The following GPS2 variants were observed in gnomAD, a reference collection of about 807,000 sequenced individuals.
GPS2 encodes the protein G protein pathway suppressor 2.
Under a neutral mutation model 48.1 loss-of-function variants are expected in GPS2, and 22 were observed. The observed-to-expected ratio is 0.46, with a 90% CI of 0.33 to 0.65. The LOEUF is 0.65. Among genes scored for constraint, GPS2 ranks in the 30% least tolerant of loss-of-function variants. The probability of loss-of-function intolerance (pLI) is 0.03; values close to 1 mark genes in which losing one functional copy is unlikely to be tolerated. For missense variants in GPS2, 366 were observed against 406.8 expected (o/e 0.90, Z 0.86); for synonymous variants, 202 against 142.5 (o/e 1.42, Z -2.98).
chr17:7,314,603 G>C lies in GPS2; in HGVS notation c.95-6C>G, dbSNP rs201297310. ...CTTATCCACCTCTTCTTCCTCTGGA[G>C]AATCAGGCAGAATGAAGAAGAGGCA... On this transcript the variant is annotated splice_polypyrimidine_tract_variant and splice_region_variant and intron_variant, in intron 2 of 10. Transcript: ENST00000380728. The C allele has an allele frequency of 2.0e-3, 3,148 of 1,613,862 alleles. 15 individuals carry two copies. The highest frequency in any genetic ancestry group is 7.4e-3 in the South Asian group (674 of 91,074).
chr17:7,314,837 G>C, intron 2 of GPS2, 122 bp downstream of exon 2: 2 of 1,312,616 alleles, frequency 1.5e-6, no homozygotes, highest in Admixed American at 3.8e-5. Context: ...CCACAACGGG[G>C]CTATTCCTTC....
In GPS2 at chr17:7,312,703, AC is replaced by A. The variant is rs1233479625; in HGVS notation, c.*52del. The A allele has an allele frequency of 1.0e-5, 14 of 1,354,250 alleles. No individual in the cohort carries two copies. Among genetic ancestry groups the A allele is most frequent in the Non-Finnish European group, 1.5e-5 (14 of 943,172 alleles). The allele number at this position is 1,354,250 out of a possible 1,614,324, so 83.9% of individuals were successfully genotyped here. A position where few individuals can be genotyped will look rare whatever the true frequency, so the allele number is the denominator to read the frequency against. ...TATTGGCCTGGGACACACAGGGGAT[AC>A]CCTCACCCACGATGGGGTGGGGGGT... On this transcript the variant is annotated 3_prime_UTR_variant, in exon 11 of 11. Coordinates refer to ENST00000380728, the MANE Select transcript of GPS2 (RefSeq NM_004489.5).
chr17:7,314,717 G>A (rs577367557), intron 2 of GPS2, 120 bp from the exon 3 acceptor site: 10 of 1,557,926 alleles, frequency 6.4e-6, no homozygotes, highest in Middle Eastern at 1.7e-4. Flanking sequence ...GCCTCGAGGG[G>A]ACAAGCTCCC....
rs371318711 is a variant in GPS2, at chr17:7,314,154, A to G, written c.323T>C (p.Leu108Pro). 1 of 1,613,140 alleles carries G rather than the reference A, an allele frequency of 6.2e-7. No individual in the cohort carries two copies. Among genetic ancestry groups the G allele is most frequent in the Non-Finnish European group, 8.5e-7 (1 of 1,179,478 alleles). Residue 108 changes from leucine (L) to proline (P), a missense_variant, in exon 5 of 11, where the codon CTG becomes CCG. Leu to Pro is a moderately conservative substitution (Grantham distance 98). This residue lies in a region of GPS2 where 275 missense variants were observed against 282.3 expected (regional missense o/e 0.97). Transcript: ENST00000380728. Reference protein sequence around the residue: ...EKRRRKEQSDLTTLTSAAYQQ... With the variant: ...EKRRRKEQSDPTTLTSAAYQQ... The stretch of plus-strand genomic sequence containing the variant: ...GTATGCAGCTGATGTTAGGGTGGTC[A>G]GGTCACTGGAGTGAAAGGAAGACAG...
At chr17:7,313,535 G>C (rs377513078) in intron 7 of GPS2, 33 bp downstream of exon 7, 1 of 1,613,534 alleles carries the variant, frequency 6.2e-7, no homozygotes, top group African/African-American at 1.3e-5. Flanking sequence ...TTGACCTTGA[G>C]GAAGGCCAAG....
In GPS2 at chr17:7,315,118, G is replaced by T; in HGVS notation, c.-66C>A. ...CTCTGACTGCCAGACCTCAGACGGG[G>T]CCTGCGGGGAGGCGGGCGCTCAGAG... On this transcript the variant is annotated splice_region_variant and 5_prime_UTR_variant, in exon 2 of 11. Transcript: ENST00000380728. 6 of 1,305,988 alleles carry T rather than the reference G, an allele frequency of 4.6e-6. No homozygotes were observed. The highest frequency in any genetic ancestry group is 6.1e-6 in the Non-Finnish European group (6 of 979,318). The allele number at this position is 1,305,988 out of a possible 1,614,324, so 80.9% of individuals were successfully genotyped here.
chr17:7,314,738 A>G (rs539852697), intron 2 of GPS2, 141 bp from the exon 3 acceptor site: 6 of 1,508,518 alleles, frequency 4.0e-6, no homozygotes, highest in East Asian at 2.3e-5. Flanking sequence ...CATCGCGGCA[A>G]TAGGGAACGG....
Position 7,313,725 on chromosome 17 carries a change from AG to A in GPS2, c.481-5del. On this transcript the variant is annotated splice_polypyrimidine_tract_variant and splice_region_variant and intron_variant, in intron 6 of 10. Coordinates refer to ENST00000380728, the MANE Select transcript of GPS2 (RefSeq NM_004489.5). ...CTGAGCCCACGTAGTGCCGGGTCTA[AG>A]GAAGGAGAATGAGAACTCGCCTACA... 1 of 1,613,602 alleles carries A rather than the reference AG, an allele frequency of 6.2e-7. No homozygotes were observed. The highest frequency in any genetic ancestry group is 8.5e-7 in the Non-Finnish European group (1 of 1,179,682).
At chr17:7,313,786 G>A (rs754595920) in intron 6 of GPS2, 65 bp from the exon 7 acceptor site, 19 of 1,585,926 alleles carry the variant, frequency 1.2e-5, no homozygotes, top group Non-Finnish European at 1.6e-5. Context: ...TGACTTGTGT[G>A]TATCTGTATG....
At chr17:7,315,308 G>A (rs1319415889) in intron 1 of GPS2, 23 bp downstream of exon 1, 1 of 373,476 alleles carries the variant, frequency 2.7e-6, no homozygotes. Flanking sequence ...TGCCCAGCCA[G>A]CGCGGACGAC....
chr17:7,314,947 G>A lies in GPS2; in HGVS notation c.94+12C>T. 6.4e-7 allele frequency: 1 copy of A among 1,566,052 alleles called. No individual in the cohort carries two copies. The highest frequency in any genetic ancestry group is 8.6e-7 in the Non-Finnish European group (1 of 1,156,074). On this transcript the variant is annotated intron_variant, in intron 2 of 10. Coordinates refer to ENST00000380728, the MANE Select transcript of GPS2 (RefSeq NM_004489.5). ...CTGGGCCGTGCGTCCCCCTGCTATG[G>A]CCCCGGCTCACCCTGCCGCTTGCGC... is the stretch of plus-strand genomic sequence containing the variant.
rs753866859 is a variant in GPS2 at position 7,313,250 on chromosome 17, T to C, written c.766A>G (p.Met256Val). 3.7e-6 allele frequency: 6 copies of C among 1,614,184 alleles called. No homozygotes were observed. In the South Asian group the frequency reaches 5.5e-5, roughly 15 times the overall value. Residue 256 changes from methionine to valine, a missense_variant, in exon 9 of 11, where the codon ATG (methionine) becomes GTG (valine). Met to Val is a conservative substitution (Grantham distance 21). Transcript: ENST00000380728. Reference sequence around the variant, plus strand: ...CCAGTCTGCTGGTTAGCATGTTCCATCTGCTTTTGCAAGGACAGGGCACCA... The same window carrying C: ...CCAGTCTGCTGGTTAGCATGTTCCACCTGCTTTTGCAAGGACAGGGCACCA... ...PGGALSLQKQ[M>V]EHANQQTGFS...
In GPS2 at chr17:7,315,060, C is replaced by G. The variant is rs1337584081; in HGVS notation, c.-8G>C. On this transcript the variant is annotated 5_prime_UTR_variant, in exon 2 of 11. Transcript: ENST00000380728. Reference sequence around the variant, plus strand: ...CTCCAGGAGTGCGGGCATGGTGCTGCCGTGGGCGCTCGGGCCGTGGGCGCC... The same window carrying G: ...CTCCAGGAGTGCGGGCATGGTGCTGGCGTGGGCGCTCGGGCCGTGGGCGCC... 1 of 1,581,356 alleles carries G rather than the reference C, an allele frequency of 6.3e-7. No homozygotes were observed. The highest frequency in any genetic ancestry group is 1.8e-5 in the Admixed American group (1 of 56,760).
rs1460563483 is a variant in GPS2, at chr17:7,312,748, T to C, written c.*8A>G. ...GGGGGGTGTGGTGTTGAAGATATAA[T>C]CTGATGGTCACTTGTGGTAGAATCG... On this transcript the variant is annotated 3_prime_UTR_variant, in exon 11 of 11. Transcript: ENST00000380728. The C allele has an allele frequency of 1.2e-6, 2 of 1,609,998 alleles. No homozygotes were observed. Among genetic ancestry groups the C allele is most frequent in the Admixed American group, 1.7e-5 (1 of 60,014 alleles).
chr17:7,313,218 G>A lies in GPS2; in HGVS notation c.798C>T (p.Ser266=), dbSNP rs762822597. The A allele has an allele frequency of 2.5e-5, 40 of 1,613,860 alleles. No individual in the cohort carries two copies. Among genetic ancestry groups the A allele is most frequent in the Middle Eastern group, 1.6e-4 (1 of 6,084 alleles). ...MEHANQQTGF[S]DSSSLRPMHP... Reference sequence around the variant, plus strand: ...CCCAAGGTGCCATACTCACTGAGTCGGAGAAGCCAGTCTGCTGGTTAGCAT... The same window carrying A: ...CCCAAGGTGCCATACTCACTGAGTCAGAGAAGCCAGTCTGCTGGTTAGCAT... Residue 266 remains serine (S), a synonymous_variant, in exon 9 of 11, where the codon TCC becomes TCT. Transcript: ENST00000380728.
rs1319299365 is a variant in GPS2, at chr17:7,315,117, G to A, written c.-65C>T. ...TCTCTGACTGCCAGACCTCAGACGG[G>A]GCCTGCGGGGAGGCGGGCGCTCAGA... is the stretch of plus-strand genomic sequence containing the variant. On this transcript the variant is annotated splice_region_variant and 5_prime_UTR_variant, in exon 2 of 11. Transcript: ENST00000380728. The A allele has an allele frequency of 2.3e-6, 3 of 1,308,510 alleles. No individual in the cohort carries two copies. Among genetic ancestry groups the A allele is most frequent in the South Asian group, 2.9e-5 (2 of 69,792 alleles). 81.1% of individuals were successfully genotyped at this position (1,308,510 alleles called of 1,614,324 possible).
chr17:7,314,060 G>T lies in GPS2; in HGVS notation c.397+20C>A. The T allele has an allele frequency of 6.2e-7, 1 of 1,612,458 alleles. No homozygotes were observed. Among genetic ancestry groups the T allele is most frequent in the Non-Finnish European group, 8.5e-7 (1 of 1,178,522 alleles). On this transcript the variant is annotated intron_variant, in intron 5 of 10. Coordinates refer to ENST00000380728, the MANE Select transcript of GPS2 (RefSeq NM_004489.5). ...CCTCCAAGAAGGCCGGTTCCATCTGGTGGTTTCTTTAGTCCTCACCCTGCA... is the reference window on the plus strand; with the variant it reads ...CCTCCAAGAAGGCCGGTTCCATCTGTTGGTTTCTTTAGTCCTCACCCTGCA...
rs1327559353 is a variant in GPS2, at chr17:7,314,172, G to A, written c.318-13C>T. ...GGTGGTCAGGTCACTGGAGTGAAAGGAAGACAGGTCAAAGTCAAGGACAGA... is the reference window on the plus strand; with the variant it reads ...GGTGGTCAGGTCACTGGAGTGAAAGAAAGACAGGTCAAAGTCAAGGACAGA... On this transcript the variant is annotated splice_polypyrimidine_tract_variant and intron_variant, in intron 4 of 10. Coordinates refer to ENST00000380728, the MANE Select transcript of GPS2 (RefSeq NM_004489.5). The A allele has an allele frequency of 2.5e-6, 4 of 1,609,400 alleles. No homozygotes were observed. The highest frequency in any genetic ancestry group is 1.7e-5 in the Admixed American group (1 of 59,748).
At chr17:7,313,153 C>A (rs756183635) in intron 9 of GPS2, 29 bp from the exon 10 acceptor site, 2 of 1,606,734 alleles carry the variant, frequency 1.2e-6, no homozygotes, top group Non-Finnish European at 1.7e-6. Flanking sequence ...GGGCCTGAGG[C>A]ATACTGAAGC....
Sources: allele counts gnomAD v4.1 joint callset, GRCh38; gene constraint gnomAD v4.1.1; regional missense constraint gnomAD v4.1.1; transcripts MANE v1.5; gene names NCBI Gene and HGNC (gene_info 2026-07-23, HGNC 2026-07-21).